The following IGSF11 variants were observed in gnomAD, a reference collection of about 807,000 sequenced individuals.
The protein encoded by IGSF11 is CXADR like 1.
Under a neutral mutation model 41.0 loss-of-function variants are expected in IGSF11, and 22 were observed. The observed-to-expected ratio is 0.54, with a 90% CI of 0.38 to 0.77. The LOEUF is 0.77. Ranked by LOEUF, IGSF11 falls within the 30% of genes least tolerant of loss-of-function variation. IGSF11 has a pLI of 0.00. For missense variants in IGSF11, 444 were observed against 530.8 expected (o/e 0.84, Z 1.61); for synonymous variants, 219 against 201.3 (o/e 1.09, Z -0.74).
At chr3:118,944,249 T>C (rs1273921086) in intron 1 of IGSF11, among the ~76,000 whole-genome samples, 2 of 152,192 alleles carry the variant, frequency 1.3e-5, no homozygotes, top group Non-Finnish European at 2.9e-5. Context: ...GGAATAGAGA[T>C]AGAGGTAATA....
intron 1 of IGSF11, among the ~76,000 whole-genome samples, chr3:118,990,965 T>C (rs974063317): frequency 1.3e-5 from 2 of 152,116 alleles, no homozygotes; most frequent in Non-Finnish European, 2.9e-5. Flanking sequence ...TTGAATGAAA[T>C]CCGTTGAATC....
chr3:119,104,294 C>A (rs1347448), intron 1 of IGSF11, among the ~76,000 whole-genome samples: 33,020 of 152,068 alleles, frequency 0.22, 3,916 homozygotes, highest in South Asian at 0.3. Context: ...CCTGCCTCAT[C>A]TATTATTACC....
chr3:119,004,631 T>C (rs1482204204), intron 1 of IGSF11, among the ~76,000 whole-genome samples: 5 of 147,516 alleles, frequency 3.4e-5, no homozygotes, highest in African/African-American at 1.3e-4. Flanking sequence ...CACACTGCTT[T>C]GAATGTGTCC....
intron 1 of IGSF11, among the ~76,000 whole-genome samples, chr3:119,032,453 A>G (rs1243113057): frequency 6.6e-6 from 1 of 152,196 alleles, no homozygotes; most frequent in Non-Finnish European, 1.5e-5. Context: ...GAAACTGAAC[A>G]TCAGTACTTT....
At chr3:118,991,636 C>T (rs960606913) in intron 1 of IGSF11, among the ~76,000 whole-genome samples, 2 of 152,138 alleles carry the variant, frequency 1.3e-5, no homozygotes, top group East Asian at 1.9e-4. Context: ...TTCATAAAAA[C>T]ATTATTAGCC....
At chr3:119,098,105 G>T (rs2076884822) in intron 1 of IGSF11, among the ~76,000 whole-genome samples, 1 of 151,300 alleles carries the variant, frequency 6.6e-6, no homozygotes, top group East Asian at 1.9e-4. Flanking sequence ...GAGCCAATTT[G>T]GTTTTCTTTT....
intron 1 of IGSF11, among the ~76,000 whole-genome samples, chr3:119,019,043 C>T (rs369153448): frequency 6.6e-6 from 1 of 152,104 alleles, no homozygotes; most frequent in Non-Finnish European, 1.5e-5. Flanking sequence ...AGTGATGAAG[C>T]GAATAAAGAG....
At chr3:119,122,319 T>C (rs1340930481) in intron 1 of IGSF11, among the ~76,000 whole-genome samples, 1 of 152,178 alleles carries the variant, frequency 6.6e-6, no homozygotes, top group African/African-American at 2.4e-5. Flanking sequence ...AGAACCGAAC[T>C]GTATATAGCT....
intron 1 of IGSF11, among the ~76,000 whole-genome samples, chr3:119,021,696 G>A (rs1939304777): frequency 6.6e-6 from 1 of 152,144 alleles, no homozygotes; most frequent in Non-Finnish European, 1.5e-5. Context: ...TAGATGGGCT[G>A]TAGGTTGAAA....
intron 1 of IGSF11, among the ~76,000 whole-genome samples, chr3:118,995,299 G>A (rs1936160407): frequency 6.6e-6 from 1 of 152,138 alleles, no homozygotes; most frequent in Non-Finnish European, 1.5e-5. Context: ...ACGAAAGAAA[G>A]CAAAAAGCAA....
intron 1 of IGSF11, among the ~76,000 whole-genome samples, chr3:119,129,495 T>C (rs1441352402): frequency 1.3e-5 from 2 of 152,108 alleles, no homozygotes; most frequent in Non-Finnish European, 2.9e-5. Context: ...AAAATAGTAC[T>C]ATAAGATATA....
At chr3:119,082,281 A>T (rs903322839) in intron 1 of IGSF11, among the ~76,000 whole-genome samples, 5 of 152,240 alleles carry the variant, frequency 3.3e-5, no homozygotes, top group African/African-American at 9.6e-5. Flanking sequence ...AGCTTAGGAC[A>T]TATACTTCAT....
At chr3:119,032,630 C>T (rs1173941483) in intron 1 of IGSF11, among the ~76,000 whole-genome samples, 1 of 152,198 alleles carries the variant, frequency 6.6e-6, no homozygotes, top group Non-Finnish European at 1.5e-5. Flanking sequence ...TTCCTTCAGG[C>T]TGTTCCTTTG....
chr3:119,081,729 T>C (rs933290945), intron 1 of IGSF11, among the ~76,000 whole-genome samples: 9 of 152,234 alleles, frequency 5.9e-5, no homozygotes, highest in Non-Finnish European at 8.8e-5. Flanking sequence ...TTTATGATGC[T>C]GTTACTTACT....
chr3:119,028,067 G>GA lies in IGSF11; in HGVS notation c.52+6463dup, dbSNP rs564276057. 1.9e-3 allele frequency among the ~76,000 whole-genome samples: 293 copies of GA among 151,464 alleles called. 1 individual carries two copies. The highest frequency in any genetic ancestry group is 3.6e-3 in the Non-Finnish European group (246 of 67,750). On this transcript the variant is annotated intron_variant, in intron 1 of 6. Coordinates refer to ENST00000393775, the MANE Select transcript of IGSF11 (RefSeq NM_001015887.3). ...CTGATAGTCATGAACCTGGCCCAAAGAAAAAAAAGACTAAGTATTAAGCCT... is the reference window on the plus strand; with the variant it reads ...CTGATAGTCATGAACCTGGCCCAAAGAAAAAAAAAGACTAAGTATTAAGCCT...
chr3:118,934,009 G>A (rs1323573010), intron 1 of IGSF11, among the ~76,000 whole-genome samples: 1 of 151,948 alleles, frequency 6.6e-6, no homozygotes, highest in Non-Finnish European at 1.5e-5. Flanking sequence ...CTGCACTGGA[G>A]ACTTCCTGAT....
intron 1 of IGSF11, among the ~76,000 whole-genome samples, chr3:118,955,882 T>C (rs886310582): frequency 6.6e-6 from 1 of 152,216 alleles, no homozygotes; most frequent in African/African-American, 2.4e-5. Context: ...TTGACTTCTC[T>C]CTAGCTATGA....
intron 1 of IGSF11, among the ~76,000 whole-genome samples, chr3:119,018,870 TG>T (rs1939009186): frequency 6.6e-6 from 1 of 152,216 alleles, no homozygotes; most frequent in Admixed American, 6.5e-5. Flanking sequence ...TCATCAGAGC[TG>T]GCACTGAAGG....
chr3:118,982,186 G>A (rs1450087570), intron 1 of IGSF11, among the ~76,000 whole-genome samples: 1 of 152,140 alleles, frequency 6.6e-6, no homozygotes, highest in African/African-American at 2.4e-5. Flanking sequence ...GAAGTATCAC[G>A]TAAAGCCACT....
Sources: gnomAD v4.1 joint callset for allele counts (sites outside exome capture counted in the v4.1 genomes callset) on GRCh38, gnomAD v4.1.1 for gene constraint, MANE v1.5 for transcripts, NCBI Gene and HGNC (gene_info 2026-07-23, HGNC 2026-07-21) for gene names.